The following TTC28 variants were observed in gnomAD, a reference collection of about 807,000 sequenced individuals.
TTC28 encodes the protein tetratricopeptide repeat domain 28.
TTC28 carries 61 observed loss-of-function variants against 198.0 expected under a neutral mutation model. The ratio of observed to expected loss-of-function variants is 0.31; its 90% CI spans 0.25 to 0.38. The LOEUF (loss-of-function observed/expected upper bound fraction) is 0.38, where lower values mean the gene tolerates loss of function less well. Among genes scored for constraint, TTC28 ranks in the 10% least tolerant of loss-of-function variants. TTC28 has a pLI of 1.00. For synonymous variants in TTC28, 1,171 were observed against 1,297.8 expected (o/e 0.90, Z 2.10); for missense variants, 2,678 against 3,164.0 (o/e 0.85, Z 3.69).
chr22:27,996,089 C>G, intron 17 of TTC28, 46 bp downstream of exon 17: 1 of 1,526,104 alleles, frequency 6.6e-7, no homozygotes, highest in South Asian at 1.2e-5. Context: ...CCTTCTCTCA[C>G]AGCACTGCCA....
At chr22:28,531,414 C>A (rs1276913150) in intron 2 of TTC28, among the ~76,000 whole-genome samples, 2 of 152,120 alleles carry the variant, frequency 1.3e-5, no homozygotes, top group Non-Finnish European at 2.9e-5. Flanking sequence ...TAAAGCAAGT[C>A]CTTAGAGACC....
chr22:28,130,601 G>C (rs1943039288), intron 6 of TTC28, among the ~76,000 whole-genome samples: 2 of 152,196 alleles, frequency 1.3e-5, no homozygotes, highest in South Asian at 4.1e-4. Context: ...GGTGAATGCA[G>C]ATGCAGAAAG....
chr22:28,168,210 T>C (rs577363511), intron 5 of TTC28, among the ~76,000 whole-genome samples: 17 of 152,260 alleles, frequency 1.1e-4, no homozygotes, highest in African/African-American at 3.4e-4. Context: ...TGCTCATGGA[T>C]AGGAAGAATC....
At chr22:28,585,323 G>C (rs542390624) in intron 2 of TTC28, among the ~76,000 whole-genome samples, 1 of 152,108 alleles carries the variant, frequency 6.6e-6, no homozygotes, top group South Asian at 2.1e-4. Flanking sequence ...GCAGCTAGAC[G>C]GTCCCATCTG....
chr22:28,188,114 A>T (rs1291760180), intron 5 of TTC28, among the ~76,000 whole-genome samples: 1 of 152,218 alleles, frequency 6.6e-6, no homozygotes, highest in Non-Finnish European at 1.5e-5. Flanking sequence ...ACTAGAAAAA[A>T]GTAAGTGCAA....
intron 6 of TTC28, among the ~76,000 whole-genome samples, chr22:28,158,165 T>C (rs907988962): frequency 1.3e-5 from 2 of 152,068 alleles, no homozygotes; most frequent in African/African-American, 2.4e-5. Context: ...TCATTTACAA[T>C]AGCCATACAT....
At chr22:28,487,226 T>C (rs1231593556) in intron 2 of TTC28, among the ~76,000 whole-genome samples, 1 of 151,998 alleles carries the variant, frequency 6.6e-6, no homozygotes, top group Non-Finnish European at 1.5e-5. Context: ...TGAATATAGC[T>C]TTATCATTTT....
At chr22:28,405,168 G>GT (rs1382584535) in intron 2 of TTC28, among the ~76,000 whole-genome samples, 2 of 152,048 alleles carry the variant, frequency 1.3e-5, no homozygotes, top group Non-Finnish European at 2.9e-5. Context: ...CATGCAGAAG[G>GT]TTTTTTTAAA....
At chr22:28,250,056 T>C (rs1373032346) in intron 5 of TTC28, among the ~76,000 whole-genome samples, 1 of 152,318 alleles carries the variant, frequency 6.6e-6, no homozygotes, top group Non-Finnish European at 1.5e-5. Flanking sequence ...ATGTAAGCAA[T>C]TGGCAAATCT....
At chr22:27,997,848 G>T in intron 16 of TTC28, 1 of 152,630 alleles carries the variant, frequency 6.6e-6, no homozygotes, top group Non-Finnish European at 1.5e-5. Flanking sequence ...CTGCAAAGCA[G>T]AGTCCTCTGA....
At chr22:28,468,178 GT>G (rs759262158) in intron 2 of TTC28, among the ~76,000 whole-genome samples, 34 of 152,254 alleles carry the variant, frequency 2.2e-4, no homozygotes, top group Admixed American at 1.6e-3. Flanking sequence ...TGTGAGCATG[GT>G]TTGGGGGCAA....
chr22:28,532,704 C>A (rs1237683169), intron 2 of TTC28, among the ~76,000 whole-genome samples: 1 of 152,180 alleles, frequency 6.6e-6, no homozygotes, highest in Non-Finnish European at 1.5e-5. Context: ...AAAGGCTTAT[C>A]CATCACAATC....
chr22:28,206,088 C>G (rs1478198512), intron 5 of TTC28, among the ~76,000 whole-genome samples: 2 of 151,928 alleles, frequency 1.3e-5, no homozygotes, highest in African/African-American at 2.4e-5. Flanking sequence ...TGCCCAAGTC[C>G]CCAGGAAGCC....
chr22:28,226,307 G>A (rs1928335708), intron 5 of TTC28, among the ~76,000 whole-genome samples: 1 of 152,202 alleles, frequency 6.6e-6, no homozygotes, highest in African/African-American at 2.4e-5. Flanking sequence ...AAAACTCAGT[G>A]TGGTCAGTGT....
chr22:28,537,075 C>T (rs1406772852), intron 2 of TTC28, among the ~76,000 whole-genome samples: 1 of 151,584 alleles, frequency 6.6e-6, no homozygotes, highest in Non-Finnish European at 1.5e-5. Flanking sequence ...AGGCGGATCA[C>T]GAGGTCAGGA....
At chr22:28,017,801 G>A (rs574344352) in intron 13 of TTC28, among the ~76,000 whole-genome samples, 12 of 152,154 alleles carry the variant, frequency 7.9e-5, no homozygotes, top group Non-Finnish European at 1.5e-4. Context: ...GAGGCCACCT[G>A]TGTCAACACC....
chr22:28,472,565 T>C lies in TTC28; in HGVS notation c.381+156987A>G, dbSNP rs893442142. On this transcript the variant is annotated intron_variant, in intron 2 of 22. Coordinates refer to ENST00000397906, the MANE Select transcript of TTC28 (RefSeq NM_001145418.2). ...AAGAAAATGTGTATGTGTGTGTGTGTGTGTGTGTGTGTGTGTGTGTGTGTG... is the reference window on the plus strand; with the variant it reads ...AAGAAAATGTGTATGTGTGTGTGTGCGTGTGTGTGTGTGTGTGTGTGTGTG... 1.7e-3 allele frequency among the ~76,000 whole-genome samples: 261 copies of C among 151,380 alleles called. 2 individuals carry two copies. Among genetic ancestry groups the C allele is most frequent in the African/African-American group, 6.2e-3 (254 of 41,210 alleles).
At chr22:28,317,040 C>T (rs993946045) in intron 2 of TTC28, among the ~76,000 whole-genome samples, 52 of 152,128 alleles carry the variant, frequency 3.4e-4, no homozygotes, top group African/African-American at 1.3e-3. Flanking sequence ...TCCTAAAGTG[C>T]TGGGATTATA....
At chr22:28,335,487 G>A (rs371538074) in intron 2 of TTC28, among the ~76,000 whole-genome samples, 1 of 152,178 alleles carries the variant, frequency 6.6e-6, no homozygotes, top group African/African-American at 2.4e-5. Flanking sequence ...CTACTCATGA[G>A]CATAGAATGT....
Sources: gnomAD v4.1 joint callset for allele counts (sites outside exome capture counted in the v4.1 genomes callset) on GRCh38, gnomAD v4.1.1 for gene constraint, MANE v1.5 for transcripts, NCBI Gene and HGNC (gene_info 2026-07-23, HGNC 2026-07-21) for gene names.